Variants in CENPP observed in about 807,000 individuals in gnomAD.
CENPP encodes the protein centromere protein P.
Under a neutral mutation model 35.6 loss-of-function variants are expected in CENPP, and 24 were observed. That is an observed-to-expected ratio of 0.67 (90% CI 0.49 to 0.95). The LOEUF is 0.95. CENPP is among the 40% of genes least tolerant of loss of function. The pLI, the probability that CENPP is intolerant of heterozygous loss-of-function variation, is 0.00. For synonymous variants in CENPP, 120 were observed against 125.5 expected, an observed-to-expected ratio of 0.96 and a Z score of 0.29; for missense variants, 332 against 345.3, an observed-to-expected ratio of 0.96 and a Z score of 0.31.
At chr9:92,359,500 C>T (rs1168199860) in intron 4 of CENPP, among the ~76,000 whole-genome samples, 1 of 151,974 alleles carries the variant, frequency 6.6e-6, no homozygotes, top group East Asian at 1.9e-4. Context: ...TGAAGCTTTC[C>T]ATGGGTATGT....
At chr9:92,421,965 G>T (rs1843811852) in intron 5 of CENPP, among the ~76,000 whole-genome samples, 1 of 151,946 alleles carries the variant, frequency 6.6e-6, no homozygotes, top group Non-Finnish European at 1.5e-5. Context: ...AATGGATATA[G>T]AATATTCTAT....
chr9:92,509,508 A>G (rs756845391), intron 5 of CENPP, among the ~76,000 whole-genome samples: 3 of 152,194 alleles, frequency 2.0e-5, no homozygotes, highest in Non-Finnish European at 4.4e-5. Context: ...AGGAGATCCA[A>G]TCAACAAACA....
In CENPP at chr9:92,618,746, C is replaced by T; in HGVS notation, c.*5597C>T. 2.8e-6 allele frequency: 1 copy of T among 357,522 alleles called. No individual in the cohort carries two copies. The allele number at this position is 357,522 out of a possible 1,614,324, so 22.1% of individuals were successfully genotyped here. On this transcript the variant is annotated 3_prime_UTR_variant, in exon 8 of 8. Coordinates refer to ENST00000375587, the MANE Select transcript of CENPP (RefSeq NM_001012267.3). ...GGAAAGTAAACAATTCTGTGCCTGC[C>T]AGGGAACAGGAATCCTGGGAACTGT...
intron 5 of CENPP, among the ~76,000 whole-genome samples, chr9:92,532,015 G>GTTTTTTTTTTTGTTTT (rs1848801440): frequency 6.3e-5 from 6 of 95,736 alleles, no homozygotes; most frequent in African/African-American, 3.6e-4. Context: ...TTTATTTAAT[G>GTTTTTTTTTTTGTTTT]TTTTTTTTTT....
chr9:92,544,997 T>C lies in CENPP; in HGVS notation c.565-66317T>C, dbSNP rs143245452. Among the ~76,000 whole-genome samples the C allele has an allele frequency of 5.3e-5, 8 of 152,320 alleles. No homozygotes were observed. In the East Asian group the frequency reaches 1.5e-3, roughly 29 times the overall value. ...TCAGCCCGCTCCAGAGTGCTGGGAT[T>C]ACCGGTGTGAGCAACCACGCCCATC... is the stretch of plus-strand genomic sequence containing the variant. On this transcript the variant is annotated intron_variant, in intron 5 of 7. Coordinates refer to ENST00000375587, the MANE Select transcript of CENPP (RefSeq NM_001012267.3).
intron 5 of CENPP, among the ~76,000 whole-genome samples, chr9:92,564,859 C>G (rs1849928455): frequency 6.6e-6 from 1 of 152,170 alleles, no homozygotes; most frequent in Non-Finnish European, 1.5e-5. Flanking sequence ...TTGATAGACT[C>G]TTTATGTAGG....
intron 5 of CENPP, among the ~76,000 whole-genome samples, chr9:92,438,171 C>T (rs1029707355): frequency 2.0e-5 from 3 of 152,122 alleles, no homozygotes; most frequent in Admixed American, 2.0e-4. Flanking sequence ...AACTCTTTGC[C>T]TCAGGTCTTA....
chr9:92,344,871 A>G (rs1423299718), intron 3 of CENPP, among the ~76,000 whole-genome samples: 6 of 150,868 alleles, frequency 4.0e-5, no homozygotes, highest in Non-Finnish European at 7.4e-5. Flanking sequence ...CTTATAGGTA[A>G]AAATGGCATC....
intron 5 of CENPP, chr9:92,512,136 A>G: frequency 6.2e-7 from 1 of 1,604,076 alleles, no homozygotes; most frequent in Non-Finnish European, 8.5e-7. Context: ...CCTAGGACAC[A>G]CAGCGGTTAT....
chr9:92,508,022 C>T (rs576667487), intron 5 of CENPP, among the ~76,000 whole-genome samples: 1 of 152,312 alleles, frequency 6.6e-6, no homozygotes, highest in African/African-American at 2.4e-5. Flanking sequence ...CCTCCTTCCC[C>T]CTCTCTGGAG....
At chr9:92,489,447 G>T (rs757327920) in intron 5 of CENPP, among the ~76,000 whole-genome samples, 1 of 152,132 alleles carries the variant, frequency 6.6e-6, no homozygotes, top group Admixed American at 6.6e-5. Context: ...CTCATTCAGC[G>T]GTTATTTCTA....
rs192199452 is a variant in CENPP at position 92,525,356 on chromosome 9, G to T, written c.565-85958G>T. Among the ~76,000 whole-genome samples the T allele has an allele frequency of 6.9e-3, 1,055 of 151,894 alleles. 11 individuals carry two copies. Among genetic ancestry groups the T allele is most frequent in the African/African-American group, 0.024 (1,011 of 41,436 alleles). On this transcript the variant is annotated intron_variant, in intron 5 of 7. Coordinates refer to ENST00000375587, the MANE Select transcript of CENPP (RefSeq NM_001012267.3). ...GAAAAGAAAAAACCTGAAAGACCCT[G>T]CAAGCATTTGACTCAATCTTTCTGT...
intron 5 of CENPP, among the ~76,000 whole-genome samples, chr9:92,387,802 T>C (rs1212710344): frequency 6.6e-6 from 1 of 152,110 alleles, no homozygotes; most frequent in African/African-American, 2.4e-5. Flanking sequence ...CTCACTCTGT[T>C]GCCCAGGCTG....
intron 5 of CENPP, among the ~76,000 whole-genome samples, chr9:92,505,848 A>G (rs1011018312): frequency 3.3e-5 from 5 of 152,202 alleles, no homozygotes; most frequent in African/African-American, 1.2e-4. Flanking sequence ...TTTCTTAAGT[A>G]CTTTGTACAT....
chr9:92,378,751 A>T (rs565264462), intron 4 of CENPP, among the ~76,000 whole-genome samples: 5 of 152,336 alleles, frequency 3.3e-5, no homozygotes, highest in African/African-American at 1.2e-4. Context: ...TGTACTATTA[A>T]GAGAATTAAG....
chr9:92,437,018 G>C (rs901083921), intron 5 of CENPP, among the ~76,000 whole-genome samples: 1 of 152,110 alleles, frequency 6.6e-6, no homozygotes, highest in African/African-American at 2.4e-5. Context: ...TGGCCAACAT[G>C]ATGAAACCCC....
chr9:92,414,682 A>C (rs1843536312), intron 5 of CENPP: 1 of 210,942 alleles, frequency 4.7e-6, no homozygotes, highest in African/African-American at 2.3e-5. Context: ...CCTGAAGAAG[A>C]GGTCAGAGAA....
intron 1 of CENPP, 45 bp downstream of exon 1, chr9:92,326,150 C>T (rs777932284): frequency 9.7e-5 from 127 of 1,311,174 alleles, no homozygotes; most frequent in Non-Finnish European, 7.0e-5. Context: ...GGCCAGGGTT[C>T]CCGGGCCAGG....
chr9:92,549,783 T>C (rs1389581208), intron 5 of CENPP, among the ~76,000 whole-genome samples: 1 of 152,214 alleles, frequency 6.6e-6, no homozygotes. Flanking sequence ...CCTAAGATAG[T>C]GCTGTTAGGC....
Sources: allele counts gnomAD v4.1 joint callset (sites outside exome capture counted in the v4.1 genomes callset), GRCh38; gene constraint gnomAD v4.1.1; transcripts MANE v1.5; gene names NCBI Gene and HGNC (gene_info 2026-07-23, HGNC 2026-07-21).